NPC1L1: variants seen among roughly 807,000 people sequenced by gnomAD.
NPC1L1 encodes the protein NPC1 like intracellular cholesterol transporter 1.
A neutral mutation model predicts 117.0 loss-of-function variants in NPC1L1; 98 were observed. The ratio of observed to expected loss-of-function variants is 0.84; its 90% confidence interval spans 0.71 to 0.99. The LOEUF (loss-of-function observed/expected upper bound fraction) is 0.99. Ranked by LOEUF, NPC1L1 falls within the 50% of genes least tolerant of loss-of-function variation. The probability of loss-of-function intolerance (pLI) is 0.00; values close to 1 mark genes in which losing one functional copy is unlikely to be tolerated. For synonymous variants in NPC1L1, 729 were observed against 727.6 expected (o/e 1.00, Z -0.03); for missense variants, 1,540 against 1,710.0 (o/e 0.90, Z 1.75).
rs1801910388 is a variant in NPC1L1 at position 44,536,808 on chromosome 7, TC to T, written c.1681+33del. ...TGGTTCCTGCCCCAATACTGCATCT[TC>T]CTTGGCTTCCTCTCAGGGCCCACTT... On this transcript the variant is annotated intron_variant, in intron 3 of 18. Coordinates refer to ENST00000381160, the MANE Select transcript of NPC1L1 (RefSeq NM_001101648.2). This position sits in a 1 kb window ranked among gnomAD's most constrained non-coding sequence, Gnocchi z 4.7. 1.3e-6 allele frequency: 2 copies of T among 1,565,224 alleles called. No homozygotes were observed. The highest frequency in any genetic ancestry group is 1.7e-5 in the Admixed American group (1 of 59,940).
intron 7 of NPC1L1, 21 bp from the exon 8 acceptor site, chr7:44,533,579 G>A (rs1334402193): frequency 7.4e-6 from 12 of 1,614,032 alleles, no homozygotes; most frequent in Admixed American, 1.7e-5. Flanking sequence ...GCAGAGGGCT[G>A]TCAGGGCACC....
At chr7:44,518,749 T>A in intron 14 of NPC1L1, 1 of 1,110,378 alleles carries the variant, frequency 9.0e-7, no homozygotes, top group African/African-American at 1.6e-5. Flanking sequence ...GCTACATAGG[T>A]GTGGAGAAAA....
Position 44,534,491 on chromosome 7 carries a change from A to G in NPC1L1, c.2122T>C (p.Ser708Pro). 1.2e-6 allele frequency: 2 copies of G among 1,614,146 alleles called. No individual in the cohort carries two copies. Among genetic ancestry groups the G allele is most frequent in the Non-Finnish European group, 1.7e-6 (2 of 1,180,018 alleles). The change falls in exon 6 of 19, where the codon TCC becomes CCC. Residue 708 changes from serine (S) to proline (P), a missense_variant. Ser to Pro is a moderately conservative substitution (Grantham distance 74, BLOSUM62 -1). Coordinates refer to ENST00000381160, the MANE Select transcript of NPC1L1 (RefSeq NM_001101648.2). This position sits in a 1 kb window ranked among gnomAD's most constrained non-coding sequence, Gnocchi z 5.2. ...ILQVVPFLVL[S>P]VGADNIFIFV... ...ATGAAGATGTTATCAGCCCCCACGG[A>G]CAGCACCAGGAAAGGAACCACTTGC...
chr7:44,533,122 A>C, intron 8 of NPC1L1: 1 of 300,664 alleles, frequency 3.3e-6, no homozygotes, highest in Non-Finnish European at 6.5e-6. Context: ...AAAAAAAGTT[A>C]CATGCAGATT....
intron 7 of NPC1L1, 86 bp downstream of exon 7, chr7:44,533,653 A>G: frequency 1.2e-6 from 2 of 1,605,086 alleles, no homozygotes; most frequent in Non-Finnish European, 1.7e-6. Flanking sequence ...AATCTGCACT[A>G]TACCCACTGC....
chr7:44,539,006 T>A lies in NPC1L1; in HGVS notation c.1391A>T (p.Asn464Ile). The A allele has an allele frequency of 6.2e-7, 1 of 1,614,140 alleles. No individual in the cohort carries two copies. The highest frequency in any genetic ancestry group is 1.1e-5 in the South Asian group (1 of 91,072). Residue 464 changes from asparagine (N) to isoleucine (I), a missense_variant, in exon 2 of 19, where the codon AAC (asparagine) becomes ATC (isoleucine). Asn to Ile is a moderately radical substitution (Grantham distance 149, BLOSUM62 -3). Around this residue, in one of 3 missense-constraint regions of NPC1L1, gnomAD observed 793 missense variants for 820.4 expected, o/e 0.97. Transcript: ENST00000381160. This position sits in a 1 kb window ranked among gnomAD's most constrained non-coding sequence, Gnocchi z 4.4. ...GTAGCAGATGTCCTGCAGGGAGATGTTGCGCTGTGCTTCGGGCGACCATAC... is the reference window on the plus strand; with the variant it reads ...GTAGCAGATGTCCTGCAGGGAGATGATGCGCTGTGCTTCGGGCGACCATAC... Reference protein sequence around the residue: ...LQVWSPEAQRNISLQDICYAP... With the variant: ...LQVWSPEAQRIISLQDICYAP...
chr7:44,539,079 A>AGTCAAG lies in NPC1L1; in HGVS notation c.1317_1318insCTTGAC (p.Asp439_Leu440dup). On this transcript the variant is annotated inframe_insertion, in exon 2 of 19. Transcript: ENST00000381160. This position sits in a 1 kb window ranked among gnomAD's most constrained non-coding sequence, Gnocchi z 4.4. ...TGCAGCTCTAGCAGCTCCAGCAGCA[A>AGTCAAG]GTCCAGGTCCAGGATTCCGCTGAAG... is the stretch of plus-strand genomic sequence containing the variant. The AGTCAAG allele has an allele frequency of 6.2e-7, 1 of 1,614,062 alleles. No individual in the cohort carries two copies. The highest frequency in any genetic ancestry group is 8.5e-7 in the Non-Finnish European group (1 of 1,179,948).
Position 44,513,280 on chromosome 7 carries a change from G to T in NPC1L1, c.*167C>A. 1.4e-6 allele frequency: 1 copy of T among 693,038 alleles called. No individual in the cohort carries two copies. The highest frequency in any genetic ancestry group is 2.6e-6 in the Non-Finnish European group (1 of 390,860). The allele number at this position is 693,038 out of a possible 1,614,324, so 42.9% of individuals were successfully genotyped here. ...TGGGAGCAGAGGAGCCATCAGTGGTGCTGCCTGGATACCTCAAGAGCAGGC... is the reference window on the plus strand; with the variant it reads ...TGGGAGCAGAGGAGCCATCAGTGGTTCTGCCTGGATACCTCAAGAGCAGGC... On this transcript the variant is annotated 3_prime_UTR_variant, in exon 19 of 19. Coordinates refer to ENST00000381160, the MANE Select transcript of NPC1L1 (RefSeq NM_001101648.2).
chr7:44,531,959 C>T (rs771408615), intron 9 of NPC1L1, 115 bp from the exon 10 acceptor site: 430 of 1,530,866 alleles, frequency 2.8e-4, no homozygotes, highest in African/African-American at 1.5e-3. Flanking sequence ...AGCAGACTTG[C>T]GTGCCAGCCC....
At chr7:44,523,981 C>A (rs1801434704) in intron 10 of NPC1L1, among the ~76,000 whole-genome samples, 1 of 152,174 alleles carries the variant, frequency 6.6e-6, no homozygotes, top group South Asian at 2.1e-4. Flanking sequence ...GCAACTCCCA[C>A]CACCGTTGTT....
Position 44,539,625 on chromosome 7 carries a change from C to G in NPC1L1, c.772G>C (p.Asp258His). Residue 258 changes from aspartate to histidine, a missense_variant, in exon 2 of 19, where the codon GAC becomes CAC. Physicochemically the swap from Asp to His is moderately conservative, Grantham distance 81. This residue lies in a region of NPC1L1 where 793 missense variants were observed against 820.4 expected (regional missense o/e 0.97). Coordinates refer to ENST00000381160, the MANE Select transcript of NPC1L1 (RefSeq NM_001101648.2). The surrounding 1 kb of genome is among the most constrained non-coding windows in gnomAD (Gnocchi z 4.4). ...ATGGCAGGACAGGATGCAGCACAGT[C>G]TTGGCAGGAGCAGGTCGCCACGTCG... ...GDDVATCSCQ[D>H]CAASCPAIAR... 1 of 1,613,910 alleles carries G rather than the reference C, an allele frequency of 6.2e-7. No homozygotes were observed. The highest frequency in any genetic ancestry group is 8.5e-7 in the Non-Finnish European group (1 of 1,180,048).
chr7:44,533,500 C>G lies in NPC1L1; in HGVS notation c.2340G>C (p.Val780=). The part of the protein sequence containing the change: ...RTFALTSGLA[V]ILDFLLQMSA... ...ACATCTGCAGGAGGAAGTCAAGGAT[C>G]ACTGCAAGGCCAGAGGTCAGGGCAA... Residue 780 remains valine, a synonymous_variant, in exon 8 of 19, where the codon GTG becomes GTC. Coordinates refer to ENST00000381160, the MANE Select transcript of NPC1L1 (RefSeq NM_001101648.2). The G allele has an allele frequency of 6.2e-7, 1 of 1,614,198 alleles. No homozygotes were observed. Among genetic ancestry groups the G allele is most frequent in the Non-Finnish European group, 8.5e-7 (1 of 1,180,030 alleles).
rs182166539 is a variant in NPC1L1 at position 44,530,359 on chromosome 7, A to T, written c.2637+1396T>A. ...GTTTCAAAATAAATAAATAAATAAAAGGTGGTTGTGTCAGGGGCTGAGGGG... is the reference window on the plus strand; with the variant it reads ...GTTTCAAAATAAATAAATAAATAAATGGTGGTTGTGTCAGGGGCTGAGGGG... On this transcript the variant is annotated intron_variant, in intron 10 of 18. Coordinates refer to ENST00000381160, the MANE Select transcript of NPC1L1 (RefSeq NM_001101648.2). Among the ~76,000 whole-genome samples the T allele has an allele frequency of 2.0e-3, 297 of 152,106 alleles. 1 individual carries two copies. Among genetic ancestry groups the T allele is most frequent in the African/African-American group, 6.6e-3 (272 of 41,510 alleles).
chr7:44,513,569 G>A lies in NPC1L1; in HGVS notation c.3877C>T (p.Pro1293Ser), dbSNP rs375351864. Residue 1293 changes from proline (P) to serine (S), a missense_variant, in exon 19 of 19, where the codon CCA becomes TCA. Physicochemically the swap from Pro to Ser is moderately conservative, Grantham distance 74. Around this residue, in one of 3 missense-constraint regions of NPC1L1, gnomAD observed 742 missense variants for 873.6 expected, o/e 0.85. Transcript: ENST00000381160. ...AVAAVMVASC[P>S]NHPSRVSTAD... The stretch of plus-strand genomic sequence containing the variant: ...GTGGAGACTCGGGAGGGGTGATTTG[G>A]GCAAGAGGCCACCATGACTGCTGCC... 135 of 1,613,858 alleles carry A rather than the reference G, an allele frequency of 8.4e-5. No individual in the cohort carries two copies. Among genetic ancestry groups the A allele is most frequent in the Non-Finnish European group, 1.1e-4 (128 of 1,179,978 alleles).
chr7:44,539,515 G>C lies in NPC1L1; in HGVS notation c.882C>G (p.Val294=). 1.9e-6 allele frequency: 3 copies of C among 1,613,672 alleles called. No individual in the cohort carries two copies. The highest frequency in any genetic ancestry group is 2.5e-6 in the Non-Finnish European group (3 of 1,179,642). ...SLVLIIILCS[V]FAVVTILLVG... is the part of the protein sequence containing the mutation. ...CAAGCAGGATGGTGACCACAGCGAA[G>C]ACAGAGCAGAGGATGATGATGAGGA... The change falls in exon 2 of 19, where the codon GTC becomes GTG. Residue 294 remains valine, a synonymous_variant. Coordinates refer to ENST00000381160, the MANE Select transcript of NPC1L1 (RefSeq NM_001101648.2). The surrounding 1 kb of genome is among the most constrained non-coding windows in gnomAD (Gnocchi z 4.4).
chr7:44,523,180 T>C (rs529560920), intron 10 of NPC1L1, among the ~76,000 whole-genome samples: 15 of 152,166 alleles, frequency 9.9e-5, no homozygotes, highest in Non-Finnish European at 1.9e-4. Context: ...CTCAGCCTCC[T>C]GAGTAGCTAG....
At chr7:44,528,262 GC>G (rs1801587218) in intron 10 of NPC1L1, among the ~76,000 whole-genome samples, 1 of 152,082 alleles carries the variant, frequency 6.6e-6, no homozygotes, top group Non-Finnish European at 1.5e-5. Context: ...GTGCCATCTT[GC>G]CCAGCTAAAT....
At chr7:44,515,710 T>C in intron 18 of NPC1L1, 93 bp downstream of exon 18, 1 of 1,521,852 alleles carries the variant, frequency 6.6e-7, no homozygotes, top group South Asian at 1.1e-5. Flanking sequence ...ATGGCTCGTT[T>C]GCACTTCCTG....
Position 44,540,243 on chromosome 7 carries a change from G to A in NPC1L1, c.154C>T (p.Leu52Phe). The change falls in exon 2 of 19, where the codon CTC (leucine) becomes TTC (phenylalanine). Residue 52 changes from leucine to phenylalanine, a missense_variant. This residue lies in a region of NPC1L1 where 793 missense variants were observed against 820.4 expected (regional missense o/e 0.97). Coordinates refer to ENST00000381160, the MANE Select transcript of NPC1L1 (RefSeq NM_001101648.2). ...NPELSGSLMT[L>F]SNVSCLSNTP... ...TTGGACAGGCAGGACACGTTGGAGA[G>A]TGTCATGAGGCTTCCAGACAGCTCT... The A allele has an allele frequency of 6.2e-7, 1 of 1,614,134 alleles. No homozygotes were observed. The highest frequency in any genetic ancestry group is 8.5e-7 in the Non-Finnish European group (1 of 1,180,038).
Sources: gnomAD v4.1 joint callset for allele counts (sites outside exome capture counted in the v4.1 genomes callset) on GRCh38, gnomAD v4.1.1 for gene constraint, gnomAD v4.1.1 regional missense constraint, Gnocchi (gnomAD v3.1) non-coding constraint, MANE v1.5 for transcripts, NCBI Gene and HGNC (gene_info 2026-07-23, HGNC 2026-07-21) for gene names.